The following GPATCH2 variants were observed in gnomAD, a reference collection of about 807,000 sequenced individuals.
GPATCH2 encodes G-patch domain containing 2, also known as G patch domain-containing protein 2.
A neutral mutation model predicts 58.0 loss-of-function variants in GPATCH2; 51 were observed. That is an observed-to-expected ratio of 0.88 (90% CI 0.70 to 1.11). The LOEUF (loss-of-function observed/expected upper bound fraction) is 1.11, where lower values mean the gene tolerates loss of function less well. GPATCH2 is among the 50% of genes most tolerant of loss of function. GPATCH2 has a pLI of 0.00. For synonymous variants in GPATCH2, 222 were observed against 218.5 expected (o/e 1.02, Z -0.14); for missense variants, 625 against 652.2 (o/e 0.96, Z 0.45).
chr1:217,584,344 A>AAAAAAAAAAAAAATATATAC (rs1463910405), intron 5 of GPATCH2, among the ~76,000 whole-genome samples: 1 of 101,876 alleles, frequency 9.8e-6, no homozygotes, highest in East Asian at 6.0e-4. Flanking sequence ...AAAAAAAAAA[A>AAAAAAAAAAAAAATATATAC]ATATATATAT....
intron 8 of GPATCH2, among the ~76,000 whole-genome samples, chr1:217,469,171 T>A (rs1352171920): frequency 1.3e-5 from 2 of 152,166 alleles, no homozygotes. Flanking sequence ...AGGTTTATTG[T>A]CCTTAGAAAG....
chr1:217,593,960 T>C (rs757234743), intron 5 of GPATCH2, among the ~76,000 whole-genome samples: 7 of 152,110 alleles, frequency 4.6e-5, no homozygotes, highest in Non-Finnish European at 1.0e-4. Context: ...TAATTTTGTT[T>C]CTTCAGGTAA....
At chr1:217,498,104 T>C in intron 7 of GPATCH2, 1 of 583,400 alleles carries the variant, frequency 1.7e-6, no homozygotes, top group Non-Finnish European at 3.1e-6. Flanking sequence ...AATGAGTGAG[T>C]TTCAGAGTCT....
intron 5 of GPATCH2, among the ~76,000 whole-genome samples, chr1:217,534,592 A>G (rs201877373): frequency 9.3e-5 from 14 of 149,974 alleles, no homozygotes; most frequent in African/African-American, 3.2e-4. Flanking sequence ...AAAAAAAAGA[A>G]CATTTAGGAT....
intron 5 of GPATCH2, among the ~76,000 whole-genome samples, chr1:217,558,591 C>T (rs17666182): frequency 0.019 from 2,880 of 152,134 alleles, 42 homozygotes; most frequent in Middle Eastern, 0.085. Context: ...AATTCTGGTA[C>T]GTTCCCTGTT....
rs556701076 is a variant in GPATCH2 at position 217,457,606 on chromosome 1, T to C, written c.1278-8269A>G. ...AAGAATGCTTAGTGTAGGGTGTCACTAAACACATACCAAATAAACACATAG... is the reference window on the plus strand; with the variant it reads ...AAGAATGCTTAGTGTAGGGTGTCACCAAACACATACCAAATAAACACATAG... On this transcript the variant is annotated intron_variant, in intron 8 of 9. Transcript: ENST00000366935. 1.7e-4 allele frequency among the ~76,000 whole-genome samples: 26 copies of C among 152,254 alleles called. No individual in the cohort carries two copies. In the East Asian group the frequency reaches 4.4e-3, roughly 26 times the overall value.
At chr1:217,603,633 C>CT (rs1225749890) in intron 5 of GPATCH2, among the ~76,000 whole-genome samples, 3 of 151,312 alleles carry the variant, frequency 2.0e-5, no homozygotes, top group Non-Finnish European at 2.9e-5. Flanking sequence ...TTTATTTTTA[C>CT]TTTTTTTGAG....
intron 5 of GPATCH2, among the ~76,000 whole-genome samples, chr1:217,578,191 A>AGTTTT (rs568207504): frequency 1.2e-3 from 178 of 151,838 alleles, no homozygotes; most frequent in East Asian, 4.9e-3. Flanking sequence ...ACAAAAAGGT[A>AGTTTT]GTTTTGTTTT....
chr1:217,627,863 A>G (rs549639384), intron 1 of GPATCH2, among the ~76,000 whole-genome samples: 6 of 152,154 alleles, frequency 3.9e-5, no homozygotes, highest in African/African-American at 1.4e-4. Context: ...TTACATTCTA[A>G]TTGCTTTCAA....
chr1:217,563,927 C>CCAACTACT lies in GPATCH2; in HGVS notation c.1098+46386_1098+46393dup, dbSNP rs1165530396. On this transcript the variant is annotated intron_variant, in intron 5 of 9. Coordinates refer to ENST00000366935, the MANE Select transcript of GPATCH2 (RefSeq NM_018040.5). Reference sequence around the variant, plus strand: ...GGCGTGGTGGCGCATGCCTGTAATCCCAACTACTCAGGAGGCTGGGGCAGG... The same window carrying CCAACTACT: ...GGCGTGGTGGCGCATGCCTGTAATCCCAACTACTCAACTACTCAGGAGGCTGGGGCAGG... Among the ~76,000 whole-genome samples, 4 of 151,216 alleles carry CCAACTACT rather than the reference C, an allele frequency of 2.6e-5. No individual in the cohort carries two copies. The East Asian group carries it at 7.8e-4, about 30-fold the overall frequency.
rs1268491804 is a variant in GPATCH2 at position 217,498,414 on chromosome 1, G to C, written c.1167-19C>G. On this transcript the variant is annotated intron_variant, in intron 6 of 9. Transcript: ENST00000366935. ...CCAATGGCTGCAGAGGAAAGAAAAA[G>C]GCAGTTAGAGGGAACCTAACTAAAA... The C allele has an allele frequency of 6.2e-7, 1 of 1,606,378 alleles. No homozygotes were observed.
intron 5 of GPATCH2, among the ~76,000 whole-genome samples, chr1:217,546,277 C>A (rs146689816): frequency 4.5e-4 from 68 of 152,076 alleles, no homozygotes; most frequent in African/African-American, 1.6e-3. Context: ...AGATTCTTCA[C>A]AGAACTAGAA....
intron 8 of GPATCH2, among the ~76,000 whole-genome samples, chr1:217,478,125 C>T: frequency 6.6e-6 from 1 of 152,162 alleles, no homozygotes; most frequent in East Asian, 1.9e-4. Context: ...GCAGATACAG[C>T]TTAGATTACA....
intron 5 of GPATCH2, 113 bp downstream of exon 5, chr1:217,610,208 T>C: frequency 6.3e-7 from 1 of 1,588,160 alleles, no homozygotes; most frequent in Non-Finnish European, 8.6e-7. Context: ...AAAAAATGGA[T>C]TATTTTTAAG....
intron 5 of GPATCH2, among the ~76,000 whole-genome samples, chr1:217,570,416 A>G (rs552867508): frequency 1.3e-5 from 2 of 152,128 alleles, no homozygotes; most frequent in African/African-American, 4.8e-5. Flanking sequence ...CCTGGCCCCA[A>G]AATATGTATT....
intron 6 of GPATCH2, among the ~76,000 whole-genome samples, chr1:217,502,124 T>C (rs1191218554): frequency 2.0e-5 from 3 of 152,106 alleles, no homozygotes; most frequent in Non-Finnish European, 4.4e-5. Flanking sequence ...ATACTGTAGC[T>C]ATACAGTAAG....
intron 5 of GPATCH2, among the ~76,000 whole-genome samples, chr1:217,527,445 T>C (rs1337719689): frequency 1.3e-5 from 2 of 152,112 alleles, no homozygotes; most frequent in Admixed American, 6.5e-5. Flanking sequence ...TTCTTTGTAC[T>C]TCATGGTGCC....
intron 9 of GPATCH2, among the ~76,000 whole-genome samples, chr1:217,445,526 C>A (rs1337692315): frequency 6.6e-6 from 1 of 152,026 alleles, no homozygotes; most frequent in South Asian, 2.1e-4. Context: ...ATTCTGCTGG[C>A]AAACCTTCTT....
intron 8 of GPATCH2, among the ~76,000 whole-genome samples, chr1:217,486,364 T>C (rs560682728): frequency 6.6e-6 from 1 of 152,346 alleles, no homozygotes; most frequent in East Asian, 1.9e-4. Flanking sequence ...CGATTGTTTT[T>C]CTTTTGAAAA....
Sources: allele counts gnomAD v4.1 joint callset (sites outside exome capture counted in the v4.1 genomes callset), GRCh38; gene constraint gnomAD v4.1.1; transcripts MANE v1.5; gene names NCBI Gene and HGNC (gene_info 2026-07-23, HGNC 2026-07-21).